The following GRM8 variants were observed in gnomAD, a reference collection of about 807,000 sequenced individuals.
The protein encoded by GRM8 is metabotropic glutamate receptor 8.
A neutral mutation model predicts 87.2 loss-of-function variants in GRM8; 47 were observed. The ratio of observed to expected loss-of-function variants is 0.54; its 90% CI spans 0.43 to 0.69. The LOEUF (loss-of-function observed/expected upper bound fraction) is 0.69. Among genes scored for constraint, GRM8 ranks in the 30% least tolerant of loss-of-function variants. GRM8 has a pLI of 0.00. For synonymous variants in GRM8, 396 were observed against 404.5 expected, an observed-to-expected ratio of 0.98 and a Z score of 0.25; for missense variants, 1,019 against 1,139.2, an observed-to-expected ratio of 0.89 and a Z score of 1.52.
intron 7 of GRM8, chr7:126,701,797 G>A (rs2151397136): frequency 7.7e-7 from 1 of 1,292,810 alleles, no homozygotes; most frequent in African/African-American, 1.5e-5. Context: ...AGTTGGCCAG[G>A]GTAGAGACAT....
intron 3 of GRM8, among the ~76,000 whole-genome samples, chr7:127,003,314 G>A (rs1391181580): frequency 6.6e-6 from 1 of 151,724 alleles, no homozygotes; most frequent in East Asian, 1.9e-4. Flanking sequence ...AAAACATCCT[G>A]TAAAGAATCT....
chr7:127,239,812 TTC>T (rs1391065311), intron 2 of GRM8, among the ~76,000 whole-genome samples: 1 of 152,212 alleles, frequency 6.6e-6, no homozygotes, highest in African/African-American at 2.4e-5. Context: ...TATTATCTAA[TTC>T]ACATTCTTAT....
At chr7:126,715,769 G>T (rs1811670108) in intron 7 of GRM8, among the ~76,000 whole-genome samples, 1 of 152,068 alleles carries the variant, frequency 6.6e-6, no homozygotes, top group Admixed American at 6.6e-5. Flanking sequence ...AATATAGCTA[G>T]GCCATGTTTC....
intron 6 of GRM8, among the ~76,000 whole-genome samples, chr7:126,865,263 T>C (rs1014335785): frequency 6.6e-6 from 1 of 152,254 alleles, no homozygotes; most frequent in East Asian, 1.9e-4. Context: ...TTTAATATCA[T>C]GCTTTTTCCA....
intron 7 of GRM8, among the ~76,000 whole-genome samples, chr7:126,700,832 A>G (rs1809842171): frequency 1.3e-5 from 2 of 152,182 alleles, no homozygotes; most frequent in African/African-American, 4.8e-5. Flanking sequence ...GAAACAACAG[A>G]GGACATAATT....
intron 8 of GRM8, among the ~76,000 whole-genome samples, chr7:126,601,279 G>T (rs1797732248): frequency 6.6e-6 from 1 of 152,058 alleles, no homozygotes; most frequent in African/African-American, 2.4e-5. Context: ...TTTTATGGCT[G>T]CATAGTATTC....
At chr7:127,178,703 CA>C (rs1226977713) in intron 2 of GRM8, among the ~76,000 whole-genome samples, 1 of 152,090 alleles carries the variant, frequency 6.6e-6, no homozygotes, top group African/African-American at 2.4e-5. Flanking sequence ...TCAAACAAAA[CA>C]ATTATCAGCC....
At chr7:126,494,515 A>C (rs1466547158) in intron 9 of GRM8, among the ~76,000 whole-genome samples, 1 of 152,014 alleles carries the variant, frequency 6.6e-6, no homozygotes, top group Non-Finnish European at 1.5e-5. Flanking sequence ...ATAAACAAAA[A>C]CAGTAAAATA....
Position 126,533,638 on chromosome 7 carries a change from G to T in GRM8, c.1744C>A (p.Pro582Thr). 1 of 1,614,074 alleles carries T rather than the reference G, an allele frequency of 6.2e-7. No individual in the cohort carries two copies. The highest frequency in any genetic ancestry group is 8.5e-7 in the Non-Finnish European group (1 of 1,180,000). ...ACAAACACAGGCACCACAGCCCAGGGAGAATGCCACTCCAATTTGATGATG... is the reference window on the plus strand; with the variant it reads ...ACAAACACAGGCACCACAGCCCAGGTAGAATGCCACTCCAATTTGATGATG... ...IPIIKLEWHSPWAVVPVFVAI... is the reference protein window; with the variant it reads ...IPIIKLEWHSTWAVVPVFVAI... Residue 582 changes from proline (P) to threonine (T), a missense_variant, in exon 9 of 11, where the codon CCC becomes ACC. Coordinates refer to ENST00000339582, the MANE Select transcript of GRM8 (RefSeq NM_000845.3).
intron 2 of GRM8, among the ~76,000 whole-genome samples, chr7:127,220,788 C>A (rs1203137544): frequency 2.0e-5 from 3 of 152,196 alleles, no homozygotes; most frequent in Admixed American, 2.0e-4. Context: ...TGTGCCCCAG[C>A]CGCTGAACAT....
chr7:126,653,920 T>A (rs1057123402), intron 7 of GRM8, among the ~76,000 whole-genome samples: 1 of 152,334 alleles, frequency 6.6e-6, no homozygotes, highest in African/African-American at 2.4e-5. Context: ...AAAAGATACC[T>A]TTAATAATTG....
intron 2 of GRM8, among the ~76,000 whole-genome samples, chr7:127,153,454 T>G (rs1373032507): frequency 2.0e-5 from 3 of 152,048 alleles, no homozygotes; most frequent in African/African-American, 7.2e-5. Context: ...GGCTGAAAGG[T>G]CTGGAGGAAG....
At chr7:127,108,230 T>G (rs771718202) in intron 2 of GRM8, among the ~76,000 whole-genome samples, 1 of 152,170 alleles carries the variant, frequency 6.6e-6, no homozygotes, top group African/African-American at 2.4e-5. Flanking sequence ...CCTCCAAATC[T>G]CAAACCACAC....
intron 3 of GRM8, among the ~76,000 whole-genome samples, chr7:126,960,104 CA>C (rs888384712): frequency 6.6e-6 from 1 of 152,088 alleles, no homozygotes; most frequent in African/African-American, 2.4e-5. Context: ...GCCAGAAACC[CA>C]GGTAAATCAA....
At chr7:126,986,220 C>T (rs904404208) in intron 3 of GRM8, among the ~76,000 whole-genome samples, 2 of 151,996 alleles carry the variant, frequency 1.3e-5, no homozygotes, top group African/African-American at 2.4e-5. Flanking sequence ...GGTCTTTCAA[C>T]CCTGGTCTCA....
intron 3 of GRM8, among the ~76,000 whole-genome samples, chr7:127,001,854 T>C (rs1586721085): frequency 6.6e-6 from 1 of 151,560 alleles, no homozygotes; most frequent in East Asian, 1.9e-4. Context: ...TACTAGGCAA[T>C]GATAAGAGAA....
chr7:127,022,863 T>A (rs550627293), intron 3 of GRM8, among the ~76,000 whole-genome samples: 25 of 152,222 alleles, frequency 1.6e-4, no homozygotes, highest in African/African-American at 5.5e-4. Context: ...TCCCACTTAA[T>A]TTCTCTAAGC....
chr7:126,497,830 C>T (rs968167979), intron 9 of GRM8, among the ~76,000 whole-genome samples: 6 of 151,772 alleles, frequency 4.0e-5, no homozygotes, highest in African/African-American at 7.3e-5. Flanking sequence ...TATTATAAAA[C>T]GGAGGGAGAA....
chr7:126,951,422 A>G (rs1364577953), intron 3 of GRM8, among the ~76,000 whole-genome samples: 1 of 152,080 alleles, frequency 6.6e-6, no homozygotes, highest in Non-Finnish European at 1.5e-5. Context: ...TATTTTTCAC[A>G]TGCCCCTAAG....
Sources: gnomAD v4.1 joint callset for allele counts (sites outside exome capture counted in the v4.1 genomes callset) on GRCh38, gnomAD v4.1.1 for gene constraint, MANE v1.5 for transcripts, NCBI Gene and HGNC (gene_info 2026-07-23, HGNC 2026-07-21) for gene names.